SACS: variants seen among roughly 807,000 people sequenced by gnomAD.
SACS encodes sacsin.
SACS carries 197 observed loss-of-function variants against 348.0 expected under a neutral mutation model. The ratio of observed to expected loss-of-function variants is 0.57; its 90% CI spans 0.50 to 0.64. SACS has a LOEUF of 0.64. SACS is among the 30% of genes least tolerant of loss of function. SACS has a pLI of 0.00. For synonymous variants in SACS, 1,985 were observed against 1,910.6 expected (o/e 1.04, Z -1.02); for missense variants, 4,999 against 5,360.8 (o/e 0.93, Z 2.11).
chr13:23,351,126 A>C (rs1261581769), intron 9 of SACS, among the ~76,000 whole-genome samples: 1 of 152,168 alleles, frequency 6.6e-6, no homozygotes, highest in Non-Finnish European at 1.5e-5. Context: ...CTGACTCACA[A>C]CTCAGGAAAG....
Position 23,368,446 on chromosome 13 carries a change from T to C in SACS, c.301A>G (p.Lys101Glu), listed in dbSNP as rs755020197. Residue 101 changes from lysine to glutamate, a missense_variant, in exon 5 of 10, where the codon AAG (lysine) becomes GAG (glutamate). Physicochemically the swap from Lys to Glu is moderately conservative, Grantham distance 56. Transcript: ENST00000382292. The stretch of plus-strand genomic sequence containing the variant: ...TCTGGATATCTTCTCAAAATGTCCT[T>C]GAGAAAATCAACAAGTGGTGGCGTT... The part of the protein sequence containing the change: ...QTTPPLVDFL[K>E]DILRRYPEGG... 5 of 1,610,048 alleles carry C rather than the reference T, an allele frequency of 3.1e-6. No homozygotes were observed. In the East Asian group the frequency reaches 6.7e-5, roughly 22 times the overall value.
chr13:23,414,584 G>A (rs1873628324), intron 1 of SACS, among the ~76,000 whole-genome samples: 1 of 152,150 alleles, frequency 6.6e-6, no homozygotes, highest in South Asian at 2.1e-4. Context: ...CTGTAATGTA[G>A]AATATTAATT....
Position 23,354,884 on chromosome 13 carries a change from G to A in SACS, c.1728C>T (p.Tyr576=), listed in dbSNP as rs750748828. Residue 576 remains tyrosine (Y), a synonymous_variant, in exon 8 of 10, where the codon TAC becomes TAT. Coordinates refer to ENST00000382292, the MANE Select transcript of SACS (RefSeq NM_014363.6). ...CTAAATTTTCATCAAGTTCTGAGAAGTACACCTGCTCCAACCTGACCCAGT... is the reference window on the plus strand; with the variant it reads ...CTAAATTTTCATCAAGTTCTGAGAAATACACCTGCTCCAACCTGACCCAGT... The part of the protein sequence containing the change: ...SCDWVRLEQV[Y]FSELDENLEY... 34 of 1,614,026 alleles carry A rather than the reference G, an allele frequency of 2.1e-5. No homozygotes were observed. Among genetic ancestry groups the A allele is most frequent in the Non-Finnish European group, 2.9e-5 (34 of 1,180,022 alleles).
At chr13:23,361,778 G>A (rs1453725403) in intron 6 of SACS, among the ~76,000 whole-genome samples, 5 of 147,058 alleles carry the variant, frequency 3.4e-5, no homozygotes, top group Non-Finnish European at 7.5e-5. Context: ...ACTCCGTTTC[G>A]AAAAAGAAGG....
At chr13:23,409,443 G>A (rs9578593) in intron 2 of SACS, among the ~76,000 whole-genome samples, 12,531 of 140,654 alleles carry the variant, frequency 0.089, 580 homozygotes, top group East Asian at 0.15. Context: ...TGCAACCTCC[G>A]CCTCCTGGGT....
At chr13:23,414,305 A>G (rs2137972165) in intron 1 of SACS, among the ~76,000 whole-genome samples, 1 of 152,354 alleles carries the variant, frequency 6.6e-6, no homozygotes, top group Middle Eastern at 3.4e-3. Context: ...CTCCGTCTCA[A>G]AAAGAAAAAA....
Position 23,411,235 on chromosome 13 carries a change from T to C in SACS, c.5A>G (p.Glu2Gly). The change falls in exon 2 of 10, where the codon GAG (glutamate) becomes GGG (glycine). Residue 2 changes from glutamate to glycine, a missense_variant. Transcript: ENST00000382292. M[E>G]TKENRWVPVT... ...ACTCATTTACCTGTTCTCCTTGGTCTCCATGATCACTTCTCCTGGGATATT... is the reference window on the plus strand; with the variant it reads ...ACTCATTTACCTGTTCTCCTTGGTCCCCATGATCACTTCTCCTGGGATATT... 6.2e-7 allele frequency: 1 copy of C among 1,607,620 alleles called. No individual in the cohort carries two copies.
At chr13:23,379,291 G>A (rs112826817) in intron 2 of SACS, among the ~76,000 whole-genome samples, 1,897 of 152,286 alleles carry the variant, frequency 0.012, 55 homozygotes, top group African/African-American at 0.044. Flanking sequence ...GTTCATTCAC[G>A]TCATAAAATG....
At position 23,331,000 on chromosome 13, in the gene SACS, A is replaced by ATG; in HGVS notation, c.12874_12875dup (p.Gln4293IlefsTer16). On this transcript the variant is annotated frameshift_variant, in exon 10 of 10. Transcript: ENST00000382292. LOFTEE classifies it high-confidence loss of function. ...TAACCTTAAGCTTTTTGGGGGACTG[A>ATG]TGTTTGGAAGAAGTCTTGTGGCTCT... 6.2e-7 allele frequency: 1 copy of ATG among 1,614,010 alleles called. No individual in the cohort carries two copies. The highest frequency in any genetic ancestry group is 8.5e-7 in the Non-Finnish European group (1 of 1,179,978).
intron 7 of SACS, among the ~76,000 whole-genome samples, chr13:23,357,427 T>C (rs17325915): frequency 0.088 from 13,469 of 152,284 alleles, 859 homozygotes; most frequent in Non-Finnish European, 0.14. Flanking sequence ...ACAGGCTTAC[T>C]AAAATTTGGC....
chr13:23,354,410 A>G, intron 8 of SACS, 109 bp downstream of exon 8: 7 of 925,532 alleles, frequency 7.6e-6, no homozygotes, highest in Non-Finnish European at 1.2e-5. Context: ...CTTCCTAACT[A>G]TAAAATCGAC....
Position 23,341,520 on chromosome 13 carries a change from G to C in SACS, c.2356C>G (p.Leu786Val), listed in dbSNP as rs267603782. The C allele has an allele frequency of 1.9e-6, 3 of 1,613,694 alleles. No individual in the cohort carries two copies. Among genetic ancestry groups the C allele is most frequent in the Non-Finnish European group, 2.5e-6 (3 of 1,179,818 alleles). The change falls in exon 10 of 10, where the codon CTT becomes GTT. Residue 786 changes from leucine to valine, a missense_variant. Transcript: ENST00000382292. Reference sequence around the variant, plus strand: ...AAATCCTCTGAAAAATGTATATAAAGATTTTTCCAAACCATCTTAAGCCAT... The same window carrying C: ...AAATCCTCTGAAAAATGTATATAAACATTTTTCCAAACCATCTTAAGCCAT... ...VSWLKMVWKN[L>V]YIHFSEDLTL...
chr13:23,353,966 C>A (rs1324868514), intron 8 of SACS, 90 bp from the exon 9 acceptor site: 3 of 809,778 alleles, frequency 3.7e-6, no homozygotes, highest in Non-Finnish European at 6.6e-6. Context: ...GTCAGTTAAG[C>A]CGACTATTTT....
chr13:23,368,953 C>T (rs1159007555), intron 4 of SACS, among the ~76,000 whole-genome samples: 2 of 152,162 alleles, frequency 1.3e-5, no homozygotes, highest in African/African-American at 4.8e-5. Context: ...CCCACCTTGG[C>T]CTCCCAAAGT....
intron 1 of SACS, among the ~76,000 whole-genome samples, chr13:23,418,600 G>A (rs1047746187): frequency 6.6e-6 from 1 of 152,120 alleles, no homozygotes; most frequent in Admixed American, 6.5e-5. Context: ...CCGCCTCCTG[G>A]GTTCTAGTGA....
intron 2 of SACS, among the ~76,000 whole-genome samples, chr13:23,401,969 G>A (rs184953899): frequency 2.6e-4 from 40 of 152,296 alleles, no homozygotes; most frequent in African/African-American, 9.6e-4. Flanking sequence ...CATGAGGTCA[G>A]GAGATTGAGA....
At chr13:23,387,171 G>C (rs1298963955) in intron 2 of SACS, among the ~76,000 whole-genome samples, 1 of 151,944 alleles carries the variant, frequency 6.6e-6, no homozygotes, top group Non-Finnish European at 1.5e-5. Flanking sequence ...TGTTAAAAAC[G>C]AATGTCGGCC....
Position 23,411,261 on chromosome 13 carries a change from T to A in SACS, c.-22A>T. On this transcript the variant is annotated 5_prime_UTR_variant, in exon 2 of 10. The change creates a premature stop within an existing upstream ORF in the 5' untranslated region. Coordinates refer to ENST00000382292, the MANE Select transcript of SACS (RefSeq NM_014363.6). ...CCATGATCACTTCTCCTGGGATATT[T>A]GTTTGTGAAAACCATGAAAGTACGC... 1.9e-6 allele frequency: 3 copies of A among 1,602,840 alleles called. No individual in the cohort carries two copies. Among genetic ancestry groups the A allele is most frequent in the Non-Finnish European group, 2.6e-6 (3 of 1,169,848 alleles).
At position 23,354,622 on chromosome 13, in the gene SACS, G is replaced by C; in HGVS notation, c.1990C>G (p.Leu664Val). 4 of 1,614,240 alleles carry C rather than the reference G, an allele frequency of 2.5e-6. No individual in the cohort carries two copies. Among genetic ancestry groups the C allele is most frequent in the Non-Finnish European group, 3.4e-6 (4 of 1,180,042 alleles). The change falls in exon 8 of 10, where the codon CTT becomes GTT. Residue 664 changes from leucine to valine, a missense_variant. Around this residue, in one of 6 missense-constraint regions of SACS, gnomAD observed 3,156 missense variants for 3,380.1 expected, o/e 0.93. Coordinates refer to ENST00000382292, the MANE Select transcript of SACS (RefSeq NM_014363.6). ...VLSDQAYSEL[L>V]GLELLPLQNG... The stretch of plus-strand genomic sequence containing the variant: ...TGTAAAGGGAGCAGCTCCAGCCCAA[G>C]CAGCTCACTGTAGGCTTGGTCAGAA...
Sources: allele counts gnomAD v4.1 joint callset (sites outside exome capture counted in the v4.1 genomes callset), GRCh38; gene constraint gnomAD v4.1.1; regional missense constraint gnomAD v4.1.1; transcripts MANE v1.5; gene names NCBI Gene and HGNC (gene_info 2026-07-23, HGNC 2026-07-21).